The following FGF12 variants were observed in gnomAD, a reference collection of about 807,000 sequenced individuals.
FGF12 encodes fibroblast growth factor 12B.
FGF12 carries 14 observed loss-of-function variants against 23.6 expected under a neutral mutation model. The ratio of observed to expected loss-of-function variants is 0.59; its 90% confidence interval spans 0.39 to 0.93. The LOEUF is 0.93. FGF12 is among the 40% of genes least tolerant of loss of function. The pLI, the probability that FGF12 is intolerant of heterozygous loss-of-function variation, is 0.00. For synonymous variants in FGF12, 62 were observed against 77.3 expected (o/e 0.80, Z 1.04); for missense variants, 175 against 217.8 (o/e 0.80, Z 1.24).
At chr3:192,316,749 G>A (rs1178816077) in intron 4 of FGF12, among the ~76,000 whole-genome samples, 1 of 152,124 alleles carries the variant, frequency 6.6e-6, no homozygotes, top group Non-Finnish European at 1.5e-5. Context: ...GTGACCTAGT[G>A]AGACACCAGC....
intron 4 of FGF12, among the ~76,000 whole-genome samples, chr3:192,208,088 C>T (rs1210236918): frequency 6.6e-6 from 1 of 152,174 alleles, no homozygotes; most frequent in East Asian, 1.9e-4. Flanking sequence ...TCATTAGCTA[C>T]TTGATAGAGG....
intron 4 of FGF12, among the ~76,000 whole-genome samples, chr3:192,283,535 T>A (rs1230758211): frequency 6.6e-6 from 1 of 152,062 alleles, no homozygotes; most frequent in Non-Finnish European, 1.5e-5. Context: ...TTTTAGGAGA[T>A]TTTAGTTAGA....
chr3:192,665,279 T>C (rs562784587), intron 2 of FGF12, among the ~76,000 whole-genome samples: 1 of 152,148 alleles, frequency 6.6e-6, no homozygotes. Context: ...TCATGGTTCA[T>C]GGAACAATTA....
intron 5 of FGF12, among the ~76,000 whole-genome samples, chr3:192,150,641 T>C (rs1713998495): frequency 1.3e-5 from 2 of 150,152 alleles, no homozygotes; most frequent in Admixed American, 6.7e-5. Context: ...TGCGGCATTA[T>C]TTCTGAGGGC....
chr3:192,675,138 A>G (rs983029228), intron 2 of FGF12, among the ~76,000 whole-genome samples: 1 of 152,150 alleles, frequency 6.6e-6, no homozygotes, highest in Non-Finnish European at 1.5e-5. Context: ...GGAGCAAATC[A>G]GTTGAGTGAC....
chr3:192,223,736 G>A (rs1278408005), intron 4 of FGF12, among the ~76,000 whole-genome samples: 1 of 152,060 alleles, frequency 6.6e-6, no homozygotes, highest in Admixed American at 6.6e-5. Context: ...AGGATAGTCA[G>A]TGCCCTTGGG....
chr3:192,617,671 G>A (rs1193672289), intron 2 of FGF12, among the ~76,000 whole-genome samples: 1 of 152,090 alleles, frequency 6.6e-6, no homozygotes, highest in Non-Finnish European at 1.5e-5. Flanking sequence ...GGTCTGAGGT[G>A]GGACCCAAGA....
chr3:192,250,440 T>C (rs1711930193), intron 4 of FGF12, among the ~76,000 whole-genome samples: 1 of 152,176 alleles, frequency 6.6e-6, no homozygotes, highest in Admixed American at 6.5e-5. Context: ...ATTAACCACT[T>C]AATATTTACA....
chr3:192,598,010 C>T (rs1019982978), intron 2 of FGF12, among the ~76,000 whole-genome samples: 7 of 152,194 alleles, frequency 4.6e-5, no homozygotes, highest in Non-Finnish European at 8.8e-5. Context: ...AAACAGTCAA[C>T]ACTTTGTTCC....
intron 4 of FGF12, among the ~76,000 whole-genome samples, chr3:192,178,291 TCC>T (rs1185262210): frequency 6.6e-6 from 1 of 152,152 alleles, no homozygotes; most frequent in African/African-American, 2.4e-5. Context: ...AATAGAGCTT[TCC>T]TACCAAAGAA....
chr3:192,567,793 C>CTTTCTTTCTTTCT (rs1553831696), intron 2 of FGF12, among the ~76,000 whole-genome samples: 2,433 of 129,730 alleles, frequency 0.019, 47 homozygotes, highest in Middle Eastern at 0.038. Flanking sequence ...TTCTTTCTTT[C>CTTTCTTTCTTTCT]TTTCTTTCTC....
chr3:192,610,457 T>TTATGTGGAAGGC lies in FGF12; in HGVS notation c.13+116723_13+116724insGCCTTCCACATA, dbSNP rs1714510534. ...TTGGTCCACAGATCAAAGGGAAGAT[T>TTATGTGGAAGGC]CACATAAAATCTGGCCACTGTTTAT... On this transcript the variant is annotated intron_variant, in intron 2 of 5. Coordinates refer to ENST00000445105, the MANE Select transcript of FGF12 (RefSeq NM_004113.6). Among the ~76,000 whole-genome samples the TTATGTGGAAGGC allele has an allele frequency of 2.0e-5, 3 of 152,148 alleles. No homozygotes were observed. The South Asian group carries it at 6.2e-4, about 32-fold the overall frequency.
intron 2 of FGF12, among the ~76,000 whole-genome samples, chr3:192,585,322 T>C (rs1713329155): frequency 6.6e-6 from 1 of 152,104 alleles, no homozygotes; most frequent in South Asian, 2.1e-4. Context: ...CAACTATAAA[T>C]CTTTATATGT....
At position 192,460,762 on chromosome 3, in the gene FGF12, A is replaced by G. The variant is rs150001892; in HGVS notation, c.14-100224T>C. On this transcript the variant is annotated intron_variant, in intron 2 of 5. Coordinates refer to ENST00000445105, the MANE Select transcript of FGF12 (RefSeq NM_004113.6). ...CCTTACAGTTGGAAACTTTTTTCTT[A>G]TATATTATTTAATTTGCTACTTTCA... Among the ~76,000 whole-genome samples, 4 of 151,420 alleles carry G rather than the reference A, an allele frequency of 2.6e-5. No individual in the cohort carries two copies. The East Asian group carries it at 7.8e-4, about 29-fold the overall frequency.
At chr3:192,485,210 G>A (rs6808947) in intron 2 of FGF12, among the ~76,000 whole-genome samples, 15,845 of 151,966 alleles carry the variant, frequency 0.1, 2,641 homozygotes, top group African/African-American at 0.35. Context: ...AGGCATCTGA[G>A]CAATGACTTT....
chr3:192,220,185 G>A (rs1718397494), intron 4 of FGF12, among the ~76,000 whole-genome samples: 1 of 151,980 alleles, frequency 6.6e-6, no homozygotes. Context: ...CTGAATGCAA[G>A]CCAAGTCATA....
At chr3:192,531,445 G>A (rs1725088012) in intron 2 of FGF12, among the ~76,000 whole-genome samples, 1 of 152,256 alleles carries the variant, frequency 6.6e-6, no homozygotes. Flanking sequence ...GAAAGAAAAG[G>A]AAATGCTTAA....
chr3:192,428,377 A>C lies in FGF12; in HGVS notation c.14-67839T>G, dbSNP rs76569086. Among the ~76,000 whole-genome samples the C allele has an allele frequency of 6.0e-3, 910 of 152,346 alleles. 7 individuals carry two copies. The highest frequency in any genetic ancestry group is 0.021 in the African/African-American group (869 of 41,574). On this transcript the variant is annotated intron_variant, in intron 2 of 5. Coordinates refer to ENST00000445105, the MANE Select transcript of FGF12 (RefSeq NM_004113.6). Reference sequence around the variant, plus strand: ...GGGGAAACAGTTCACATGTATGAAAATAAGGGAAATAAATTACTATGTCTG... The same window carrying C: ...GGGGAAACAGTTCACATGTATGAAACTAAGGGAAATAAATTACTATGTCTG...
intron 2 of FGF12, among the ~76,000 whole-genome samples, chr3:192,536,994 C>T (rs1346544253): frequency 6.6e-6 from 1 of 152,062 alleles, no homozygotes; most frequent in Non-Finnish European, 1.5e-5. Context: ...TACTGTCTAT[C>T]CCCCTGAGTT....
Sources: allele counts gnomAD v4.1 joint callset (sites outside exome capture counted in the v4.1 genomes callset), GRCh38; gene constraint gnomAD v4.1.1; transcripts MANE v1.5; gene names NCBI Gene and HGNC (gene_info 2026-07-23, HGNC 2026-07-21).